Variants in TENM3 observed in about 807,000 individuals in gnomAD.
TENM3 encodes teneurin transmembrane protein 3.
A neutral mutation model predicts 255.1 loss-of-function variants in TENM3; 63 were observed. That is an observed-to-expected ratio of 0.25 (90% CI 0.20 to 0.30). The LOEUF is 0.30. Among genes scored for constraint, TENM3 ranks in the 10% least tolerant of loss-of-function variants. TENM3 has a pLI of 1.00. For missense variants in TENM3, 2,929 were observed against 3,461.1 expected (o/e 0.85, Z 3.86); for synonymous variants, 1,306 against 1,322.3 (o/e 0.99, Z 0.27).
chr4:182,496,711 T>G (rs2151621497), intron 3 of TENM3, among the ~76,000 whole-genome samples: 1 of 152,342 alleles, frequency 6.6e-6, no homozygotes, highest in Admixed American at 6.5e-5. Flanking sequence ...GCGTAACTAC[T>G]TATTTCCATA....
chr4:182,500,734 T>C (rs1268125245), intron 3 of TENM3, among the ~76,000 whole-genome samples: 1 of 152,134 alleles, frequency 6.6e-6, no homozygotes, highest in African/African-American at 2.4e-5. Context: ...CAGCACTGTT[T>C]GTAATTGCCA....
chr4:181,988,030 A>T, the TENM3 span, among the ~76,000 whole-genome samples: 446 of 152,122 alleles, frequency 2.9e-3, 6 homozygotes, highest in African/African-American at 0.01. Flanking sequence ...ATGGATTTTT[A>T]AAAAATGAGA....
At chr4:182,653,294 A>G (rs1185215729) in intron 5 of TENM3, among the ~76,000 whole-genome samples, 2 of 152,220 alleles carry the variant, frequency 1.3e-5, no homozygotes, top group Non-Finnish European at 2.9e-5. Context: ...AATTTCATGT[A>G]CCAACAAATT....
intron 12 of TENM3, among the ~76,000 whole-genome samples, chr4:182,706,323 A>G (rs554774534): frequency 1.3e-5 from 2 of 152,364 alleles, no homozygotes; most frequent in East Asian, 3.9e-4. Flanking sequence ...ATAAGGGAAG[A>G]TAATAATGTA....
At chr4:182,015,937 G>T in the TENM3 span, among the ~76,000 whole-genome samples, 1 of 152,140 alleles carries the variant, frequency 6.6e-6, no homozygotes, top group African/African-American at 2.4e-5. Flanking sequence ...CACAGGGATT[G>T]TTCTTTAAAA....
At chr4:182,334,799 T>C (rs1763996253) in intron 2 of TENM3, among the ~76,000 whole-genome samples, 1 of 152,068 alleles carries the variant, frequency 6.6e-6, no homozygotes. Flanking sequence ...TAAATTAAGA[T>C]GGATTAAAGA....
Position 182,177,542 on chromosome 4 carries a change from C to G in TENM3, c.-76+32788C>G, listed in dbSNP as rs139121145. On this transcript the variant is annotated intron_variant, in intron 1 of 2. Coordinates refer to the TENM3 transcript ENST00000512480. ...ATCAAATTAGGCAATTACAAATGAT[C>G]TTTGATTCATTATTGAAATGAAAAA... 2.8e-3 allele frequency among the ~76,000 whole-genome samples: 429 copies of G among 150,640 alleles called. 3 individuals carry two copies. Among genetic ancestry groups the G allele is most frequent in the African/African-American group, 0.01 (412 of 40,996 alleles).
the TENM3 span, among the ~76,000 whole-genome samples, chr4:181,987,023 T>C: frequency 2.6e-5 from 4 of 152,094 alleles, no homozygotes; most frequent in Admixed American, 2.6e-4. Flanking sequence ...AATTCTAATA[T>C]ATCTTCCTTG....
the TENM3 span, among the ~76,000 whole-genome samples, chr4:181,628,510 A>G: frequency 6.6e-6 from 1 of 152,124 alleles, no homozygotes; most frequent in Non-Finnish European, 1.5e-5. Flanking sequence ...TAATTTTTGT[A>G]TAAGGTGTAA....
chr4:182,298,915 C>T (rs1358364498), intron 1 of TENM3, among the ~76,000 whole-genome samples: 1 of 135,404 alleles, frequency 7.4e-6, no homozygotes, highest in Non-Finnish European at 1.5e-5. Flanking sequence ...ACCCAGGAGG[C>T]AGAGGTTGCA....
At chr4:181,805,257 G>A in the TENM3 span, among the ~76,000 whole-genome samples, 4 of 151,944 alleles carry the variant, frequency 2.6e-5, no homozygotes, top group South Asian at 2.1e-4. Context: ...ACGCAAAACC[G>A]TTACCACCAC....
At chr4:182,111,489 T>C in the TENM3 span, among the ~76,000 whole-genome samples, 1 of 152,196 alleles carries the variant, frequency 6.6e-6, no homozygotes, top group East Asian at 1.9e-4. Context: ...ATGTACTCAA[T>C]TGAAGAAGGA....
intron 16 of TENM3, among the ~76,000 whole-genome samples, chr4:182,732,574 C>T (rs1190871202): frequency 6.6e-6 from 1 of 152,164 alleles, no homozygotes; most frequent in Non-Finnish European, 1.5e-5. Flanking sequence ...TACTATAATT[C>T]CAGCACTTTG....
chr4:182,121,579 T>C, the TENM3 span, among the ~76,000 whole-genome samples: 2 of 152,214 alleles, frequency 1.3e-5, no homozygotes, highest in Admixed American at 1.3e-4. Flanking sequence ...CCAGTGCATA[T>C]AAAAGTTATG....
At chr4:182,468,466 G>A (rs1039023701) in intron 3 of TENM3, among the ~76,000 whole-genome samples, 2 of 152,024 alleles carry the variant, frequency 1.3e-5, no homozygotes, top group African/African-American at 4.8e-5. Context: ...CCTAACAGAC[G>A]CCTCAAAGAC....
the TENM3 span, among the ~76,000 whole-genome samples, chr4:182,119,245 C>T: frequency 2.0e-5 from 3 of 152,044 alleles, no homozygotes; most frequent in Admixed American, 6.6e-5. Flanking sequence ...CAAAATGCTC[C>T]GATGTATTTC....
chr4:182,101,630 C>T, the TENM3 span, among the ~76,000 whole-genome samples: 2 of 152,002 alleles, frequency 1.3e-5, no homozygotes, highest in African/African-American at 2.4e-5. Context: ...ATGGGCAGGG[C>T]GGTTGGAATA....
the TENM3 span, among the ~76,000 whole-genome samples, chr4:181,806,281 T>G: frequency 6.6e-6 from 1 of 152,202 alleles, no homozygotes; most frequent in South Asian, 2.1e-4. Context: ...TAGTTACATC[T>G]GTCATCCCCA....
the TENM3 span, among the ~76,000 whole-genome samples, chr4:181,960,259 G>A: frequency 6.6e-6 from 1 of 152,188 alleles, no homozygotes; most frequent in Non-Finnish European, 1.5e-5. Flanking sequence ...AAATGTTCCT[G>A]TTGATGGTAA....
Sources: gnomAD v4.1 joint callset for allele counts (sites outside exome capture counted in the v4.1 genomes callset) on GRCh38, gnomAD v4.1.1 for gene constraint, MANE v1.5 for transcripts, NCBI Gene and HGNC (gene_info 2026-07-23, HGNC 2026-07-21) for gene names.